Variants in DOK6 observed in about 807,000 individuals in gnomAD.
The protein encoded by DOK6 is downstream of tyrosine kinase 6.
Under a neutral mutation model 44.0 loss-of-function variants are expected in DOK6, and 22 were observed. The observed-to-expected ratio is 0.50, with a 90% CI of 0.36 to 0.71. The LOEUF (loss-of-function observed/expected upper bound fraction) is 0.71, where lower values mean the gene tolerates loss of function less well. DOK6 is among the 30% of genes least tolerant of loss of function. DOK6 has a pLI of 0.00. For missense variants in DOK6, 340 were observed against 416.4 expected (o/e 0.82, Z 1.60); for synonymous variants, 166 against 145.5 (o/e 1.14, Z -1.01).
At chr18:69,574,587 A>G (rs142287768) in intron 2 of DOK6, among the ~76,000 whole-genome samples, 1 of 152,080 alleles carries the variant, frequency 6.6e-6, no homozygotes, top group African/African-American at 2.4e-5. Flanking sequence ...GAAAAGCTAC[A>G]TTGCACAATG....
chr18:69,654,629 C>A (rs1161116398), intron 3 of DOK6, among the ~76,000 whole-genome samples: 1 of 152,196 alleles, frequency 6.6e-6, no homozygotes, highest in African/African-American at 2.4e-5. Flanking sequence ...TTATGAATAT[C>A]ATATCCCAAT....
intron 6 of DOK6, among the ~76,000 whole-genome samples, chr18:69,743,102 TC>T (rs748075777): frequency 3.9e-5 from 6 of 152,212 alleles, no homozygotes; most frequent in Non-Finnish European, 8.8e-5. Flanking sequence ...TATACCTTCT[TC>T]ATTTTCAAAC....
chr18:69,627,826 G>C (rs1188566225), intron 3 of DOK6, among the ~76,000 whole-genome samples: 1 of 152,152 alleles, frequency 6.6e-6, no homozygotes, highest in East Asian at 1.9e-4. Flanking sequence ...TGAGGATGAA[G>C]AGACTTTGAA....
chr18:69,797,939 G>C (rs950669930), intron 7 of DOK6, among the ~76,000 whole-genome samples: 1 of 152,076 alleles, frequency 6.6e-6, no homozygotes, highest in African/African-American at 2.4e-5. Flanking sequence ...CCAGGTGAAA[G>C]AATCTAGAAC....
chr18:69,639,704 G>A (rs192488710), intron 3 of DOK6, among the ~76,000 whole-genome samples: 1 of 152,088 alleles, frequency 6.6e-6, no homozygotes, highest in East Asian at 1.9e-4. Context: ...ATAAATACAA[G>A]AAGGAAAGAA....
At chr18:69,586,454 C>T (rs181233589) in intron 2 of DOK6, among the ~76,000 whole-genome samples, 14 of 152,156 alleles carry the variant, frequency 9.2e-5, no homozygotes, top group Non-Finnish European at 1.9e-4. Context: ...TGTTAATGTG[C>T]CCAAGCCAGA....
At chr18:69,814,781 A>G (rs1308431293) in intron 7 of DOK6, among the ~76,000 whole-genome samples, 5 of 152,106 alleles carry the variant, frequency 3.3e-5, no homozygotes, top group African/African-American at 1.2e-4. Context: ...GAGAACAGCA[A>G]GGGGAAAGTC....
At chr18:69,484,440 A>G (rs1018096934) in intron 1 of DOK6, among the ~76,000 whole-genome samples, 1 of 152,188 alleles carries the variant, frequency 6.6e-6, no homozygotes, top group African/African-American at 2.4e-5. Flanking sequence ...GTCCTAAAAT[A>G]CTTTCAGACG....
intron 1 of DOK6, among the ~76,000 whole-genome samples, chr18:69,563,679 ATTAGGAGATATACCT>A (rs759230697): frequency 1.3e-5 from 2 of 151,766 alleles, no homozygotes; most frequent in Admixed American, 1.3e-4. Flanking sequence ...GAAGGATAGC[ATTAGGAGATATACCT>A]AATGTTAAAT....
In DOK6 at chr18:69,448,054, T is replaced by C. The variant is rs981434766; in HGVS notation, c.66+46744T>C. On this transcript the variant is annotated intron_variant, in intron 1 of 7. Coordinates refer to ENST00000382713, the MANE Select transcript of DOK6 (RefSeq NM_152721.6). The stretch of plus-strand genomic sequence containing the variant: ...TGATAATAGCAATTGCATTGCTCAT[T>C]TTGGCACTAGCAGCCTGAAGAAGGA... Among the ~76,000 whole-genome samples, 3 of 152,234 alleles carry C rather than the reference T, an allele frequency of 2.0e-5. 1 individual carries two copies. Among genetic ancestry groups the C allele is most frequent in the African/African-American group, 4.8e-5 (2 of 41,466 alleles).
Position 69,468,742 on chromosome 18 carries a change from A to G in DOK6, c.66+67432A>G, listed in dbSNP as rs976304609. On this transcript the variant is annotated intron_variant, in intron 1 of 7. Transcript: ENST00000382713. ...CAATGTAGGGCAATTTTAGATTTCA[A>G]ACTTAGATTAGGTGTGGTAATAGTC... 3.3e-5 allele frequency among the ~76,000 whole-genome samples: 5 copies of G among 149,266 alleles called. No homozygotes were observed. The East Asian group carries it at 7.7e-4, about 23-fold the overall frequency.
chr18:69,692,309 A>G (rs1568335071), intron 4 of DOK6, among the ~76,000 whole-genome samples: 1 of 152,242 alleles, frequency 6.6e-6, no homozygotes, highest in Non-Finnish European at 1.5e-5. Context: ...GCAATAGTGA[A>G]TTAAACACTA....
chr18:69,413,302 G>A (rs1442595850), intron 1 of DOK6, among the ~76,000 whole-genome samples: 1 of 152,032 alleles, frequency 6.6e-6, no homozygotes, highest in Non-Finnish European at 1.5e-5. Flanking sequence ...TCAGCAACAA[G>A]TAGATAGAAT....
chr18:69,733,191 G>GAA (rs34142470), intron 5 of DOK6, among the ~76,000 whole-genome samples: 34 of 146,850 alleles, frequency 2.3e-4, no homozygotes, highest in African/African-American at 3.5e-4. Context: ...TTGTCTCTAT[G>GAA]AAAAAAAAAA....
intron 1 of DOK6, among the ~76,000 whole-genome samples, chr18:69,475,552 C>T (rs1214352711): frequency 6.6e-6 from 1 of 152,176 alleles, no homozygotes; most frequent in East Asian, 1.9e-4. Flanking sequence ...AACATACTTT[C>T]CTATGTGAAT....
chr18:69,485,881 A>ACG (rs146823326), intron 1 of DOK6, among the ~76,000 whole-genome samples: 2 of 147,120 alleles, frequency 1.4e-5, no homozygotes, highest in African/African-American at 5.0e-5. Flanking sequence ...ATACGTATAT[A>ACG]TGTGTGTGTG....
chr18:69,797,683 T>G (rs1345492860), intron 7 of DOK6, among the ~76,000 whole-genome samples: 2 of 152,160 alleles, frequency 1.3e-5, no homozygotes, highest in African/African-American at 4.8e-5. Context: ...TATTTGGCAC[T>G]TACTGTTTTC....
intron 3 of DOK6, chr18:69,660,479 G>A (rs1985494140): frequency 6.6e-6 from 1 of 151,776 alleles, no homozygotes; most frequent in South Asian, 2.1e-4. Context: ...TTTTTTTTCA[G>A]ATTGGTCTTA....
At chr18:69,828,559 T>C (rs1981808382) in intron 7 of DOK6, among the ~76,000 whole-genome samples, 1 of 151,792 alleles carries the variant, frequency 6.6e-6, no homozygotes, top group Non-Finnish European at 1.5e-5. Flanking sequence ...CTATTTTTAT[T>C]ATGGAGAATT....
Sources: gnomAD v4.1 joint callset for allele counts (sites outside exome capture counted in the v4.1 genomes callset) on GRCh38, gnomAD v4.1.1 for gene constraint, MANE v1.5 for transcripts, NCBI Gene and HGNC (gene_info 2026-07-23, HGNC 2026-07-21) for gene names.